The following EPSTI1 variants were observed in gnomAD, a reference collection of about 807,000 sequenced individuals.
The protein encoded by EPSTI1 is epithelial stromal interaction 1, also known as epithelial-stromal interaction protein 1.
Under a neutral mutation model 49.9 loss-of-function variants are expected in EPSTI1, and 66 were observed. The ratio of observed to expected loss-of-function variants is 1.32; its 90% CI spans 1.08 to 1.62. The LOEUF (loss-of-function observed/expected upper bound fraction) is 1.62, where lower values mean the gene tolerates loss of function less well. Ranked by LOEUF, EPSTI1 falls within the 40% of genes most tolerant of loss-of-function variation. EPSTI1 has a pLI of 0.00. For missense variants in EPSTI1, 394 were observed against 365.5 expected (o/e 1.08, Z -0.64); for synonymous variants, 137 against 130.7 (o/e 1.05, Z -0.33).
intron 6 of EPSTI1, among the ~76,000 whole-genome samples, chr13:42,938,833 C>G: frequency 7.3e-6 from 1 of 137,508 alleles, no homozygotes; most frequent in East Asian, 2.3e-4. Flanking sequence ...GAGAATCACT[C>G]GAACCTGGGA....
chr13:42,944,928 G>T (rs2038874407), intron 6 of EPSTI1, among the ~76,000 whole-genome samples: 1 of 152,178 alleles, frequency 6.6e-6, no homozygotes, highest in South Asian at 2.1e-4. Context: ...ATTACAGCAT[G>T]AGTCTCACTC....
At chr13:42,967,636 C>G (rs1039870126) in intron 3 of EPSTI1, among the ~76,000 whole-genome samples, 1 of 152,158 alleles carries the variant, frequency 6.6e-6, no homozygotes, top group Non-Finnish European at 1.5e-5. Context: ...AACAGTGAGG[C>G]CAAGCCCTGC....
chr13:42,917,635 A>C lies in EPSTI1; in HGVS notation c.658-11T>G. The C allele has an allele frequency of 6.8e-7, 1 of 1,465,030 alleles. No individual in the cohort carries two copies. Among genetic ancestry groups the C allele is most frequent in the Non-Finnish European group, 9.1e-7 (1 of 1,100,678 alleles). The allele number at this position is 1,465,030 out of a possible 1,614,324, so 90.8% of individuals were successfully genotyped here. On this transcript the variant is annotated splice_polypyrimidine_tract_variant and intron_variant, in intron 7 of 10. Coordinates refer to ENST00000313624, the MANE Select transcript of EPSTI1 (RefSeq NM_033255.5). ...AGCCCAGCTTCTGGCCTGTAAAGGT[A>C]CAAAGAGAAAAAAAAAAAAAAAAAC...
At chr13:42,932,066 A>G (rs914648561) in intron 6 of EPSTI1, among the ~76,000 whole-genome samples, 3 of 152,086 alleles carry the variant, frequency 2.0e-5, no homozygotes, top group African/African-American at 7.2e-5. Flanking sequence ...CAACCTCCCA[A>G]GTAGTTGGGA....
chr13:42,952,815 G>A (rs557003366), intron 6 of EPSTI1, among the ~76,000 whole-genome samples: 7 of 152,306 alleles, frequency 4.6e-5, no homozygotes, highest in East Asian at 3.9e-4. Flanking sequence ...GTTGAGAAAC[G>A]TCTCTTCCAT....
At chr13:42,919,997 A>G (rs1382802278) in intron 7 of EPSTI1, among the ~76,000 whole-genome samples, 1 of 152,174 alleles carries the variant, frequency 6.6e-6, no homozygotes, top group Non-Finnish European at 1.5e-5. Context: ...TTTGGCCTGC[A>G]GACTCCATCT....
intron 5 of EPSTI1, among the ~76,000 whole-genome samples, chr13:42,954,835 G>C (rs1000037264): frequency 8.5e-5 from 13 of 152,188 alleles, no homozygotes; most frequent in African/African-American, 3.1e-4. Context: ...ATCCAAGAGA[G>C]ACAGTAAGGA....
intron 1 of EPSTI1, among the ~76,000 whole-genome samples, chr13:42,989,389 T>C (rs1445752574): frequency 1.3e-5 from 2 of 152,036 alleles, no homozygotes; most frequent in African/African-American, 4.8e-5. Context: ...TAATCAGAAC[T>C]TGAACCCAGG....
chr13:42,908,817 T>C (rs2037577019), intron 8 of EPSTI1, among the ~76,000 whole-genome samples: 2 of 151,922 alleles, frequency 1.3e-5, no homozygotes, highest in Admixed American at 6.5e-5. Flanking sequence ...GCGCAGTGGC[T>C]CATGCCTATA....
intron 8 of EPSTI1, among the ~76,000 whole-genome samples, chr13:42,914,073 G>A (rs981764514): frequency 6.6e-6 from 1 of 152,144 alleles, no homozygotes; most frequent in Non-Finnish European, 1.5e-5. Flanking sequence ...GTAGAACTGT[G>A]AGCCAATTAA....
rs550237219 is a variant in EPSTI1 at position 42,973,746 on chromosome 13, T to G, written c.189-3076A>C. Reference sequence around the variant, plus strand: ...TTGCTGTTTTAACCTATGTGCTATCTCTTCCAACAGCCTGACTCTCAAAGT... The same window carrying G: ...TTGCTGTTTTAACCTATGTGCTATCGCTTCCAACAGCCTGACTCTCAAAGT... On this transcript the variant is annotated intron_variant, in intron 1 of 10. Transcript: ENST00000313624. Among the ~76,000 whole-genome samples the G allele has an allele frequency of 7.8e-4, 119 of 152,322 alleles. 1 individual carries two copies. Among genetic ancestry groups the G allele is most frequent in the African/African-American group, 2.7e-3 (111 of 41,574 alleles).
chr13:42,892,716 TAGTATCTAATTTCATAAGAATGAATG>T (rs1343706848), intron 10 of EPSTI1, among the ~76,000 whole-genome samples: 12 of 152,142 alleles, frequency 7.9e-5, no homozygotes, highest in Non-Finnish European at 1.5e-4. Context: ...AACATATAGA[TAGTATCTAATTTCATAAGAATGAATG>T]AGTATCTAAT....
chr13:42,979,579 C>G (rs1425520594), intron 1 of EPSTI1, among the ~76,000 whole-genome samples: 1 of 97,532 alleles, frequency 1.0e-5, no homozygotes, highest in Admixed American at 1.2e-4. Flanking sequence ...AGGGAGACTC[C>G]GTCTCAAAAA....
chr13:42,911,598 T>C (rs1303986023), intron 8 of EPSTI1, among the ~76,000 whole-genome samples: 1 of 152,212 alleles, frequency 6.6e-6, no homozygotes, highest in Admixed American at 6.5e-5. Context: ...AATTTTTAAT[T>C]CATTAGCATA....
At chr13:42,899,743 A>G (rs2037301113) in intron 9 of EPSTI1, among the ~76,000 whole-genome samples, 1 of 152,224 alleles carries the variant, frequency 6.6e-6, no homozygotes, top group Admixed American at 6.5e-5. Flanking sequence ...GCTTATTAGC[A>G]CTGTCCCAAC....
chr13:42,901,088 A>G (rs182721285), intron 8 of EPSTI1, among the ~76,000 whole-genome samples: 9 of 152,286 alleles, frequency 5.9e-5, no homozygotes, highest in Admixed American at 3.3e-4. Flanking sequence ...CTAATTTCCA[A>G]CTGTCTACCC....
At chr13:42,939,613 T>C (rs2038686397) in intron 6 of EPSTI1, among the ~76,000 whole-genome samples, 1 of 152,202 alleles carries the variant, frequency 6.6e-6, no homozygotes, top group African/African-American at 2.4e-5. Flanking sequence ...TTAAATTCAC[T>C]GTCATTTGTG....
At chr13:42,900,215 TTAA>T in intron 9 of EPSTI1, 92 bp downstream of exon 9, 1 of 1,131,230 alleles carries the variant, frequency 8.8e-7, no homozygotes, top group Non-Finnish European at 1.3e-6. Context: ...CAAAACCATA[TTAA>T]TAATGTTATC....
At chr13:42,955,877 T>TTGGCGGGGGG (rs372278878) in intron 5 of EPSTI1, among the ~76,000 whole-genome samples, 1 of 105,572 alleles carries the variant, frequency 9.5e-6, no homozygotes, top group African/African-American at 4.5e-5. Flanking sequence ...AAGAAGTATT[T>TTGGCGGGGGG]GGGGGGGGGG....
Sources: allele counts gnomAD v4.1 joint callset (sites outside exome capture counted in the v4.1 genomes callset), GRCh38; gene constraint gnomAD v4.1.1; transcripts MANE v1.5; gene names NCBI Gene and HGNC (gene_info 2026-07-23, HGNC 2026-07-21).